Variants in BIN1 observed in about 807,000 individuals in gnomAD.
BIN1 encodes the protein myc box-dependent-interacting protein 1.
Under a neutral mutation model 82.0 loss-of-function variants are expected in BIN1, and 53 were observed. The observed-to-expected ratio is 0.65, with a 90% CI of 0.52 to 0.81. The LOEUF (loss-of-function observed/expected upper bound fraction) is 0.81. Ranked by LOEUF, BIN1 falls within the 40% of genes least tolerant of loss-of-function variation. The probability of loss-of-function intolerance (pLI) is 0.00; values close to 1 mark genes in which losing one functional copy is unlikely to be tolerated. For missense variants in BIN1, 642 were observed against 784.4 expected (o/e 0.82, Z 2.17); for synonymous variants, 302 against 328.0 (o/e 0.92, Z 0.86).
intron 12 of BIN1, chr2:127,054,296 T>A: frequency 2.2e-6 from 1 of 464,940 alleles, no homozygotes; most frequent in Non-Finnish European, 4.0e-6. Context: ...CTCCCAGTCA[T>A]AGGTCCGCCC....
chr2:127,081,171 G>A (rs558305053), intron 1 of BIN1, among the ~76,000 whole-genome samples: 11 of 152,322 alleles, frequency 7.2e-5, no homozygotes, highest in Middle Eastern at 3.4e-3. Flanking sequence ...CACGGCCACC[G>A]AACCCAGAAG....
At chr2:127,077,813 C>G (rs569193591) in intron 1 of BIN1, among the ~76,000 whole-genome samples, 4 of 152,336 alleles carry the variant, frequency 2.6e-5, no homozygotes, top group Admixed American at 1.3e-4. Flanking sequence ...GCACCTCCAT[C>G]AGGGCGGCAG....
chr2:127,101,848 C>T (rs576005271), intron 1 of BIN1, among the ~76,000 whole-genome samples: 25 of 152,234 alleles, frequency 1.6e-4, no homozygotes, highest in African/African-American at 3.6e-4. Flanking sequence ...GGTCTGTGAA[C>T]GTCATAAGCC....
chr2:127,063,841 C>T lies in BIN1; in HGVS notation c.698+92G>A, dbSNP rs543402455. On this transcript the variant is annotated intron_variant, in intron 8 of 18. Coordinates refer to ENST00000316724, the MANE Select transcript of BIN1 (RefSeq NM_139343.3). ...AGCACGCAGACTGGACACCGCAGCA[C>T]GCAGGCTGGGCACCACAGCACGCAG... The T allele has an allele frequency of 5.5e-5, 84 of 1,540,334 alleles. 1 individual carries two copies. Among genetic ancestry groups the T allele is most frequent in the South Asian group, 3.8e-4 (34 of 89,246 alleles).
At chr2:127,053,792 G>C in intron 13 of BIN1, 113 bp downstream of exon 13, 1 of 1,038,766 alleles carries the variant, frequency 9.6e-7, no homozygotes, top group Non-Finnish European at 1.5e-6. Flanking sequence ...AGGTGCCAGG[G>C]GAAGGGCAGT....
At position 127,068,412 on chromosome 2, in the gene BIN1, G is replaced by A. The variant is rs1018278019; in HGVS notation, c.520-157C>T. ...CTTGAGGCCGAGAGAATTAGGGGGAGCCCGGGGGGTAAGGAAAGGGGGTGA... is the reference window on the plus strand; with the variant it reads ...CTTGAGGCCGAGAGAATTAGGGGGAACCCGGGGGGTAAGGAAAGGGGGTGA... On this transcript the variant is annotated intron_variant, in intron 6 of 18. Coordinates refer to ENST00000316724, the MANE Select transcript of BIN1 (RefSeq NM_139343.3). This position sits in a 1 kb window ranked among gnomAD's most constrained non-coding sequence, Gnocchi z 4.9. Among the ~76,000 whole-genome samples the A allele has an allele frequency of 1.3e-5, 2 of 151,824 alleles. No individual in the cohort carries two copies. The highest frequency in any genetic ancestry group is 2.1e-4 in the South Asian group (1 of 4,796).
chr2:127,065,679 C>G (rs1233823743), intron 7 of BIN1, among the ~76,000 whole-genome samples: 1 of 152,336 alleles, frequency 6.6e-6, no homozygotes, highest in East Asian at 1.9e-4. Context: ...CCCCACAACT[C>G]CCCAGATGGC....
Position 127,057,435 on chromosome 2 carries a change from G to A in BIN1, c.1131+38C>T, listed in dbSNP as rs1350762033. ...GGCCATGCACGCCCTGAGAGGGCAG[G>A]AAGAGAGGAGAGCTGGGCCGCGGCG... On this transcript the variant is annotated intron_variant, in intron 12 of 18. Transcript: ENST00000316724. The surrounding 1 kb of genome is among the most constrained non-coding windows in gnomAD (Gnocchi z 5.0). 6.5e-7 allele frequency: 1 copy of A among 1,532,984 alleles called. No individual in the cohort carries two copies. Among genetic ancestry groups the A allele is most frequent in the Non-Finnish European group, 8.8e-7 (1 of 1,137,858 alleles). 95.0% of individuals were successfully genotyped at this position (1,532,984 alleles called of 1,614,324 possible).
chr2:127,073,272 G>GCAGGGCAGCGTC (rs1686151278), intron 2 of BIN1, among the ~76,000 whole-genome samples: 1 of 152,220 alleles, frequency 6.6e-6, no homozygotes, highest in African/African-American at 2.4e-5. Context: ...GCTACCCTCC[G>GCAGGGCAGCGTC]CAGGGCAGCG....
At chr2:127,077,848 A>G (rs903459218) in intron 1 of BIN1, among the ~76,000 whole-genome samples, 1 of 152,228 alleles carries the variant, frequency 6.6e-6, no homozygotes. Flanking sequence ...ATGTCTCAGC[A>G]GAGGCCTCTC....
intron 10 of BIN1, 40 bp downstream of exon 10, chr2:127,062,075 T>A (rs958108293): frequency 3.7e-5 from 58 of 1,563,010 alleles, no homozygotes; most frequent in Non-Finnish European, 4.9e-5. Context: ...GCCCCTGCCG[T>A]GCACACAGTC....
At chr2:127,105,421 C>T (rs1186665130) in intron 1 of BIN1, among the ~76,000 whole-genome samples, 1 of 151,106 alleles carries the variant, frequency 6.6e-6, no homozygotes, top group South Asian at 2.1e-4. Context: ...CACCCCACAA[C>T]CTGAAGTCTT....
chr2:127,078,057 G>A (rs1356521705), intron 1 of BIN1, among the ~76,000 whole-genome samples: 1 of 152,238 alleles, frequency 6.6e-6, no homozygotes, highest in Non-Finnish European at 1.5e-5. Context: ...ATGCTGCCAG[G>A]AACATCAGCT....
At chr2:127,076,046 C>A (rs1224351634) in intron 2 of BIN1, among the ~76,000 whole-genome samples, 4 of 148,330 alleles carry the variant, frequency 2.7e-5, no homozygotes, top group Non-Finnish European at 6.0e-5. Flanking sequence ...GCCCTCGCAG[C>A]TGCTCCCAGT....
chr2:127,070,452 G>A (rs578023987), intron 4 of BIN1, 101 bp downstream of exon 4: 54 of 1,444,114 alleles, frequency 3.7e-5, no homozygotes, highest in Non-Finnish European at 4.7e-5. Flanking sequence ...GCGAATGCCC[G>A]AGAACCAGAG....
intron 14 of BIN1, chr2:127,053,084 C>A (rs1188236559): frequency 7.0e-6 from 3 of 430,990 alleles, no homozygotes; most frequent in African/African-American, 2.0e-5. Context: ...CTGCCCCACA[C>A]CCTGAGGACA....
intron 1 of BIN1, among the ~76,000 whole-genome samples, chr2:127,088,551 CAT>C (rs746045057): frequency 1.4e-4 from 22 of 152,116 alleles, no homozygotes; most frequent in Non-Finnish European, 2.6e-4. Flanking sequence ...GCCTGGGCAA[CAT>C]AGTGAGATCC....
In BIN1 at chr2:127,052,377, C is replaced by G; in HGVS notation, c.1264-15G>C. 2 of 1,565,816 alleles carry G rather than the reference C, an allele frequency of 1.3e-6. No homozygotes were observed. The highest frequency in any genetic ancestry group is 1.7e-6 in the Non-Finnish European group (2 of 1,155,348). On this transcript the variant is annotated splice_polypyrimidine_tract_variant and intron_variant, in intron 14 of 18. Coordinates refer to ENST00000316724, the MANE Select transcript of BIN1 (RefSeq NM_139343.3). ...CTCTCTGTGGGCTGGTAACAGGCCA[C>G]GAGGAGAGAACAGGGAGGGGGCGGG...
rs1379295507 is a variant in BIN1, at chr2:127,078,595, G to A, written c.85-1889C>T. 7.2e-5 allele frequency among the ~76,000 whole-genome samples: 11 copies of A among 152,156 alleles called. No homozygotes were observed. The East Asian group carries it at 7.7e-4, about 11-fold the overall frequency. ...GCCACCGATGATGTTGTGCTACAGC[G>A]GTCGGGACACAGCCCCTTGGGCAAC... On this transcript the variant is annotated intron_variant, in intron 1 of 18. Coordinates refer to ENST00000316724, the MANE Select transcript of BIN1 (RefSeq NM_139343.3).
Sources: gnomAD v4.1 joint callset for allele counts (sites outside exome capture counted in the v4.1 genomes callset) on GRCh38, gnomAD v4.1.1 for gene constraint, Gnocchi (gnomAD v3.1) non-coding constraint, MANE v1.5 for transcripts, NCBI Gene and HGNC (gene_info 2026-07-23, HGNC 2026-07-21) for gene names.